The following DCTN4 variants were observed in gnomAD, a reference collection of about 807,000 sequenced individuals.
DCTN4 encodes dynactin 4 (p62).
In DCTN4, 23 loss-of-function variants were observed where a neutral mutation model predicts 62.7. The observed-to-expected ratio is 0.37, with a 90% CI of 0.26 to 0.52. The LOEUF is 0.52. Ranked by LOEUF, DCTN4 falls within the 20% of genes least tolerant of loss-of-function variation. The pLI is 0.92. For missense variants in DCTN4, 514 were observed against 580.4 expected, an observed-to-expected ratio of 0.89 and a Z score of 1.18; for synonymous variants, 199 against 202.1, an observed-to-expected ratio of 0.98 and a Z score of 0.13.
At chr5:150,728,318 G>C (rs1368324711) in intron 8 of DCTN4, among the ~76,000 whole-genome samples, 9 of 152,058 alleles carry the variant, frequency 5.9e-5, no homozygotes, top group Non-Finnish European at 1.3e-4. Flanking sequence ...TAATAATCCA[G>C]TATATAATCA....
chr5:150,732,278 T>C (rs967294105), intron 5 of DCTN4, among the ~76,000 whole-genome samples: 2 of 152,182 alleles, frequency 1.3e-5, no homozygotes, highest in Non-Finnish European at 2.9e-5. Context: ...GCCTCCCAAG[T>C]AGCTGAGATT....
chr5:150,744,603 T>C (rs28847929), intron 3 of DCTN4, among the ~76,000 whole-genome samples: 20,146 of 151,162 alleles, frequency 0.13, 2,284 homozygotes, highest in African/African-American at 0.31. Context: ...CAGCAGAAAC[T>C]CTACAAGCCA....
chr5:150,731,887 A>C, intron 5 of DCTN4: 1 of 1,551,708 alleles, frequency 6.4e-7, no homozygotes, highest in Non-Finnish European at 8.7e-7. Flanking sequence ...AGAACTTACC[A>C]CTACATGAAT....
intron 1 of DCTN4, 53 bp downstream of exon 1, chr5:150,758,806 T>C (rs887680240): frequency 1.3e-4 from 206 of 1,601,426 alleles, no homozygotes; most frequent in Non-Finnish European, 1.6e-4. Context: ...GTGACTAGCA[T>C]GAACGCCGCG....
intron 1 of DCTN4, chr5:150,758,549 G>A: frequency 9.4e-7 from 1 of 1,063,000 alleles, no homozygotes; most frequent in Non-Finnish European, 1.1e-6. Context: ...CCTGAACTAA[G>A]CACCCCCAGA....
chr5:150,758,735 G>A (rs980018255), intron 1 of DCTN4, 124 bp downstream of exon 1: 5 of 1,422,636 alleles, frequency 3.5e-6, no homozygotes, highest in Admixed American at 4.1e-5. Context: ...AGGCAAACCC[G>A]AGTGACGGAA....
chr5:150,742,078 G>T, intron 4 of DCTN4, 36 bp downstream of exon 4: 4 of 1,604,722 alleles, frequency 2.5e-6, no homozygotes, highest in Non-Finnish European at 2.6e-6. Flanking sequence ...AATTTTTTCC[G>T]ATTTCATCCT....
intron 10 of DCTN4, 122 bp from the exon 11 acceptor site, chr5:150,718,505 A>G: frequency 1.5e-6 from 1 of 651,374 alleles, no homozygotes; most frequent in Non-Finnish European, 2.8e-6. Flanking sequence ...TTATACCTCT[A>G]CATCACTGTA....
At chr5:150,737,786 A>G (rs904754742) in intron 4 of DCTN4, among the ~76,000 whole-genome samples, 1 of 152,184 alleles carries the variant, frequency 6.6e-6, no homozygotes, top group Non-Finnish European at 1.5e-5. Context: ...GAACTAAATG[A>G]AACTGAAACA....
Position 150,716,120 on chromosome 5 carries a change from G to A in DCTN4, c.1072-458C>T, listed in dbSNP as rs563692653. ...GGGGTTTCACCATATTGGCCAAGCT[G>A]GTTTCGAACTCCTGCCCTCATGATC... On this transcript the variant is annotated intron_variant, in intron 11 of 12. Transcript: ENST00000447998. 5.9e-5 allele frequency among the ~76,000 whole-genome samples: 9 copies of A among 152,242 alleles called. No individual in the cohort carries two copies. The East Asian group carries it at 1.7e-3, about 29-fold the overall frequency.
In DCTN4 at chr5:150,756,482, G is replaced by A; in HGVS notation, c.141C>T (p.Asp47=). 2 of 1,593,818 alleles carry A rather than the reference G, an allele frequency of 1.3e-6. No homozygotes were observed. Among genetic ancestry groups the A allele is most frequent in the Admixed American group, 1.8e-5 (1 of 56,896 alleles). The change falls in exon 2 of 13, where the codon GAC becomes GAT. Residue 47 remains aspartate, a synonymous_variant. Transcript: ENST00000447998. ...CTAAACAACTGGGACAATAATGGGA[G>A]TCCACCTAGGAGGAAACAAGAAAGA... is the stretch of plus-strand genomic sequence containing the variant. ...RSLECVSHEV[D]SHYCPSCLEN... is the part of the protein sequence containing the mutation.
At chr5:150,756,306 TG>T in intron 2 of DCTN4, 110 bp downstream of exon 2, 1 of 660,924 alleles carries the variant, frequency 1.5e-6, no homozygotes, top group Non-Finnish European at 2.5e-6. Context: ...CCCAAAGTGC[TG>T]GGATTACAGG....
In DCTN4 at chr5:150,711,371, A is replaced by T. The variant is rs1340292302; in HGVS notation, c.1170-9T>A. 1.9e-6 allele frequency: 3 copies of T among 1,610,362 alleles called. No homozygotes were observed. On this transcript the variant is annotated splice_polypyrimidine_tract_variant and intron_variant, in intron 12 of 12. Transcript: ENST00000447998. ...TTCTGAAGGCTATAATGCTATGGAA[A>T]GAAAAAAAAGCAAGTATTAGGTAGA...
chr5:150,712,039 T>C (rs1202232557), intron 12 of DCTN4, among the ~76,000 whole-genome samples: 1 of 152,232 alleles, frequency 6.6e-6, no homozygotes, highest in African/African-American at 2.4e-5. Context: ...TTCTCTATTA[T>C]AAACAATGGT....
At chr5:150,743,642 C>G (rs577668734) in intron 3 of DCTN4, among the ~76,000 whole-genome samples, 1 of 152,140 alleles carries the variant, frequency 6.6e-6, no homozygotes, top group African/African-American at 2.4e-5. Flanking sequence ...TCGCGATTCA[C>G]GAAAATCTGT....
chr5:150,728,382 A>G (rs1342663651), intron 8 of DCTN4, among the ~76,000 whole-genome samples: 1 of 152,168 alleles, frequency 6.6e-6, no homozygotes, highest in Non-Finnish European at 1.5e-5. Flanking sequence ...TTCTGCAGAC[A>G]TTGGGTACAG....
At chr5:150,736,379 A>G (rs1340069986) in intron 4 of DCTN4, 1 of 152,264 alleles carries the variant, frequency 6.6e-6, no homozygotes, top group East Asian at 1.9e-4. Context: ...GATAACCTAT[A>G]AAGGAAAACC....
Position 150,758,856 on chromosome 5 carries a change from T to G in DCTN4, c.135+3A>C. ...CATACTCGCTATAGGGCGACTCTGT[T>G]ACCTCGTGAGACACACATTCCAGCG... On this transcript the variant is annotated splice_donor_region_variant and intron_variant, in intron 1 of 12. Transcript: ENST00000447998. The G allele has an allele frequency of 6.2e-7, 1 of 1,613,762 alleles. No homozygotes were observed. The highest frequency in any genetic ancestry group is 8.5e-7 in the Non-Finnish European group (1 of 1,179,820).
intron 8 of DCTN4, among the ~76,000 whole-genome samples, chr5:150,723,335 T>C (rs1007519077): frequency 6.6e-6 from 1 of 152,180 alleles, no homozygotes; most frequent in African/African-American, 2.4e-5. Context: ...TACATTAAGG[T>C]TGCCATATTA....
Sources: allele counts gnomAD v4.1 joint callset (sites outside exome capture counted in the v4.1 genomes callset), GRCh38; gene constraint gnomAD v4.1.1; transcripts MANE v1.5; gene names NCBI Gene and HGNC (gene_info 2026-07-23, HGNC 2026-07-21).